MIA2: variants seen among roughly 807,000 people sequenced by gnomAD.
MIA2 encodes the protein melanoma inhibitory activity protein 2.
A neutral mutation model predicts 167.8 loss-of-function variants in MIA2; 127 were observed. The observed-to-expected ratio is 0.76, with a 90% CI of 0.66 to 0.88. MIA2 has a LOEUF of 0.88. Among genes scored for constraint, MIA2 ranks in the 40% least tolerant of loss-of-function variants. MIA2 has a pLI of 0.00. For missense variants in MIA2, 1,690 were observed against 1,624.7 expected (o/e 1.04, Z -0.69); for synonymous variants, 552 against 541.9 (o/e 1.02, Z -0.26).
intron 25 of MIA2, among the ~76,000 whole-genome samples, chr14:39,345,560 G>T (rs2153069313): frequency 6.6e-6 from 1 of 151,754 alleles, no homozygotes; most frequent in East Asian, 1.9e-4. Context: ...ATGTTTCCTG[G>T]GTCTTTTTTG....
At chr14:39,349,633 G>C (rs1028581368) in intron 28 of MIA2, among the ~76,000 whole-genome samples, 1 of 152,116 alleles carries the variant, frequency 6.6e-6, no homozygotes, top group African/African-American at 2.4e-5. Context: ...TAAAGTTAAA[G>C]GTGAATTAAA....
intron 6 of MIA2, among the ~76,000 whole-genome samples, chr14:39,254,915 A>C (rs2054747942): frequency 1.3e-5 from 2 of 152,162 alleles, no homozygotes; most frequent in South Asian, 4.1e-4. Flanking sequence ...TTAATGACTG[A>C]CTGAATGCAG....
intron 25 of MIA2, among the ~76,000 whole-genome samples, chr14:39,333,539 G>A (rs2069458627): frequency 6.6e-6 from 1 of 152,136 alleles, no homozygotes; most frequent in Non-Finnish European, 1.5e-5. Flanking sequence ...TGGGCTCTGT[G>A]TACTTGTTCT....
intron 18 of MIA2, 53 bp downstream of exon 18, chr14:39,308,640 A>T: frequency 7.4e-7 from 1 of 1,347,802 alleles, no homozygotes; most frequent in Non-Finnish European, 1.0e-6. Context: ...AGCTTTAGAG[A>T]TATATGTTAC....
rs1319524796 is a variant in MIA2 at position 39,266,839 on chromosome 14, CG to C, written c.1888-10088del. ...CTGGGCCTGGCGTCGGCCCCTGGGT[CG>C]GGGGGGTGGGGGTTGCGCCGAGACG... On this transcript the variant is annotated intron_variant, in intron 6 of 28. Transcript: ENST00000640607. The C allele has an allele frequency of 1.1e-4, 6 of 54,914 alleles. 1 individual carries two copies. Among genetic ancestry groups the C allele is most frequent in the Non-Finnish European group, 1.7e-4 (5 of 28,860 alleles). 3.4% of individuals were successfully genotyped at this position (54,914 alleles called of 1,614,324 possible).
intron 4 of MIA2, among the ~76,000 whole-genome samples, chr14:39,248,976 C>T (rs754059599): frequency 6.6e-6 from 1 of 152,080 alleles, no homozygotes; most frequent in Non-Finnish European, 1.5e-5. Context: ...TGAGCTCAAG[C>T]GATCTGCCCC....
intron 28 of MIA2, among the ~76,000 whole-genome samples, chr14:39,349,648 A>T (rs1182505168): frequency 6.6e-6 from 1 of 152,126 alleles, no homozygotes; most frequent in East Asian, 1.9e-4. Context: ...ATTAAAATGA[A>T]TTTTGTTTGG....
chr14:39,325,996 G>C (rs191531662), intron 24 of MIA2, among the ~76,000 whole-genome samples: 5 of 152,330 alleles, frequency 3.3e-5, no homozygotes, highest in Admixed American at 3.3e-4. Flanking sequence ...TTACAGGCAT[G>C]GGCCACTGCG....
chr14:39,234,040 A>G lies in MIA2; in HGVS notation c.-75A>G. On this transcript the variant is annotated 5_prime_UTR_variant, in exon 1 of 29. Transcript: ENST00000640607. ...TTAGTGAAGAGAGTAGAATATCTCC[A>G]GTTTTGGCTGACATCTCTACAACCT... is the stretch of plus-strand genomic sequence containing the variant. 1.2e-6 allele frequency: 1 copy of G among 815,184 alleles called. No homozygotes were observed. Among genetic ancestry groups the G allele is most frequent in the South Asian group, 1.7e-5 (1 of 58,292 alleles). The allele number at this position is 815,184 out of a possible 1,614,324, so 50.5% of individuals were successfully genotyped here.
chr14:39,321,164 TC>T, intron 24 of MIA2, 108 bp downstream of exon 24: 1 of 1,023,832 alleles, frequency 9.8e-7, no homozygotes, highest in Non-Finnish European at 1.4e-6. Context: ...ATACAGGCAT[TC>T]CTTGCACTTA....
At chr14:39,308,331 T>C (rs2063689458) in intron 17 of MIA2, 118 bp from the exon 18 acceptor site, 5 of 630,632 alleles carry the variant, frequency 7.9e-6, no homozygotes, top group African/African-American at 1.9e-5. Flanking sequence ...TTTTCTGTTA[T>C]TGGAAAGAGT....
intron 2 of MIA2, among the ~76,000 whole-genome samples, chr14:39,240,070 C>T (rs915036345): frequency 1.3e-5 from 2 of 152,174 alleles, no homozygotes; most frequent in Non-Finnish European, 2.9e-5. Flanking sequence ...GAACCAAATC[C>T]TCCCTGAAGG....
chr14:39,312,962 A>C (rs1343618765), intron 18 of MIA2, among the ~76,000 whole-genome samples: 1 of 152,100 alleles, frequency 6.6e-6, no homozygotes, highest in African/African-American at 2.4e-5. Context: ...AAAATTAACG[A>C]AACACATTTT....
chr14:39,254,834 A>ATC (rs1480738363), intron 6 of MIA2, among the ~76,000 whole-genome samples: 1 of 152,252 alleles, frequency 6.6e-6, no homozygotes, highest in Non-Finnish European at 1.5e-5. Flanking sequence ...CTGGTCTAAC[A>ATC]TCCGATGGTG....
chr14:39,342,585 A>C (rs1443890351), intron 25 of MIA2, among the ~76,000 whole-genome samples: 1 of 152,208 alleles, frequency 6.6e-6, no homozygotes, highest in Admixed American at 6.5e-5. Flanking sequence ...AGGAATTGCC[A>C]CACTGACTTC....
chr14:39,314,804 A>ATGTGTGTGTGTG lies in MIA2; in HGVS notation c.3180+6_3180+7insGTGTGTGTGTGT, dbSNP rs775505742. ...ATTCATTCTTATCAAGGGCAGGTAT[A>ATGTGTGTGTGTG]TATATATGTGTGTGTGTGTGTGTGT... On this transcript the variant is annotated splice_donor_region_variant and intron_variant, in intron 20 of 28. Coordinates refer to ENST00000640607, the MANE Select transcript of MIA2 (RefSeq NM_001329214.4). 4.9e-6 allele frequency: 6 copies of ATGTGTGTGTGTG among 1,215,824 alleles called. No homozygotes were observed. The African/African-American group carries it at 8.5e-5, about 17-fold the overall frequency. The allele number at this position is 1,215,824 out of a possible 1,614,324, so 75.3% of individuals were successfully genotyped here.
chr14:39,286,064 A>G (rs940209216), intron 9 of MIA2, among the ~76,000 whole-genome samples: 31 of 152,192 alleles, frequency 2.0e-4, no homozygotes, highest in Admixed American at 4.6e-4. Context: ...AGAGGCTGCA[A>G]TCTCAGCACT....
At chr14:39,372,171 CT>C (rs142218646) in intron 23 of MIA2, among the ~76,000 whole-genome samples, 12,099 of 151,958 alleles carry the variant, frequency 0.08, 1,611 homozygotes, top group African/African-American at 0.27. Context: ...GAATGGAGTA[CT>C]GTGTAGGCAG....
intron 9 of MIA2, among the ~76,000 whole-genome samples, chr14:39,285,647 T>G (rs2059612414): frequency 7.7e-6 from 1 of 130,128 alleles, no homozygotes; most frequent in Non-Finnish European, 1.6e-5. Context: ...ATGGGGTGGC[T>G]GGCCGGGCTG....
Sources: allele counts gnomAD v4.1 joint callset (sites outside exome capture counted in the v4.1 genomes callset), GRCh38; gene constraint gnomAD v4.1.1; transcripts MANE v1.5; gene names NCBI Gene and HGNC (gene_info 2026-07-23, HGNC 2026-07-21).